LRRIQ4: variants seen among roughly 807,000 people sequenced by gnomAD.
The protein encoded by LRRIQ4 is leucine rich repeats and IQ motif containing 4.
LRRIQ4 carries 21 observed loss-of-function variants against 40.1 expected under a neutral mutation model. The observed-to-expected ratio is 0.52, with a 90% CI of 0.37 to 0.75. LRRIQ4 has a LOEUF of 0.75. Among genes scored for constraint, LRRIQ4 ranks in the 30% least tolerant of loss-of-function variants. LRRIQ4 has a pLI of 0.00. For synonymous variants in LRRIQ4, 277 were observed against 277.1 expected, an observed-to-expected ratio of 1.00 and a Z score of 0.00; for missense variants, 655 against 660.0, an observed-to-expected ratio of 0.99 and a Z score of 0.08.
In LRRIQ4 at chr3:169,817,769, C is replaced by T. The variant is rs144891680; in HGVS notation, c.-31-4122C>T. 6.9e-3 allele frequency among the ~76,000 whole-genome samples: 1,053 copies of T among 151,652 alleles called. 7 individuals carry two copies. The highest frequency in any genetic ancestry group is 0.021 in the Middle Eastern group (6 of 292). ...GCTACTCCTGCTCTTTTTTGTTTTC[C>T]ATTTGCATAGAATATCTTTTCCCAT... On this transcript the variant is annotated intron_variant, in intron 1 of 5. Coordinates refer to ENST00000340806, the MANE Select transcript of LRRIQ4 (RefSeq NM_001080460.3).
Position 169,822,487 on chromosome 3 carries a change from C to G in LRRIQ4, c.566C>G (p.Thr189Ser), listed in dbSNP as rs1185759964. The G allele has an allele frequency of 2.5e-6, 4 of 1,614,008 alleles. No homozygotes were observed. The highest frequency in any genetic ancestry group is 3.3e-5 in the Admixed American group (2 of 60,022). Reference sequence around the variant, plus strand: ...CCCCAGGAGCTCTGTGTTCTCTACACCCTGGAAATCATTGACCTGGACGAG... The same window carrying G: ...CCCCAGGAGCTCTGTGTTCTCTACAGCCTGGAAATCATTGACCTGGACGAG... ...VFPQELCVLY[T>S]LEIIDLDENK... Residue 189 changes from threonine to serine, a missense_variant, in exon 2 of 6, where the codon ACC (threonine) becomes AGC (serine). By Grantham distance (58) the Thr-to-Ser change is moderately conservative. Transcript: ENST00000340806.
chr3:169,822,350 T>A lies in LRRIQ4; in HGVS notation c.429T>A (p.His143Gln), dbSNP rs774087406. Reference protein sequence around the residue: ...IPVVIFKNLHHLELLGLTGNH... With the variant: ...IPVVIFKNLHQLELLGLTGNH... Reference sequence around the variant, plus strand: ...TCGTCATCTTTAAAAACCTCCACCATCTCGAGCTGCTCGGACTGACCGGAA... The same window carrying A: ...TCGTCATCTTTAAAAACCTCCACCAACTCGAGCTGCTCGGACTGACCGGAA... Residue 143 changes from histidine (H) to glutamine (Q), a missense_variant, in exon 2 of 6, where the codon CAT becomes CAA. Transcript: ENST00000340806. 64 of 1,613,482 alleles carry A rather than the reference T, an allele frequency of 4.0e-5. No homozygotes were observed. In the South Asian group the frequency reaches 5.3e-4, roughly 13 times the overall value.
chr3:169,835,843 T>G (rs1576773165), intron 5 of LRRIQ4, among the ~76,000 whole-genome samples: 1 of 152,294 alleles, frequency 6.6e-6, no homozygotes, highest in Non-Finnish European at 1.5e-5. Context: ...GCCTTAACAC[T>G]GGCTCTTCCT....
intron 5 of LRRIQ4, 91 bp downstream of exon 5, chr3:169,833,274 C>T (rs1780227719): frequency 9.9e-7 from 1 of 1,013,116 alleles, no homozygotes; most frequent in Admixed American, 3.0e-5. Context: ...CAACTCCTTA[C>T]ACCCTTGTCC....
chr3:169,816,305 A>G (rs970370116), intron 1 of LRRIQ4, among the ~76,000 whole-genome samples: 9 of 152,188 alleles, frequency 5.9e-5, no homozygotes, highest in African/African-American at 1.9e-4. Flanking sequence ...TTTCTTTGCT[A>G]GGAGACTTTT....
At position 169,822,257 on chromosome 3, in the gene LRRIQ4, C is replaced by T. The variant is rs779021386; in HGVS notation, c.336C>T (p.Val112=). ...ACCCCATCTTCTCCTCCTCCCTTGT[C>T]GTTGTCAGCTTCCTCCACGCCCTGC... The part of the protein sequence containing the change: ...SYNPIFSSSL[V]VVSFLHALRE... Residue 112 remains valine (V), a synonymous_variant, in exon 2 of 6, where the codon GTC becomes GTT. Coordinates refer to ENST00000340806, the MANE Select transcript of LRRIQ4 (RefSeq NM_001080460.3). The T allele has an allele frequency of 6.2e-7, 1 of 1,609,728 alleles. No individual in the cohort carries two copies. Among genetic ancestry groups the T allele is most frequent in the Non-Finnish European group, 8.5e-7 (1 of 1,178,282 alleles).
At chr3:169,832,461 CTG>C (rs1780201049) in intron 4 of LRRIQ4, among the ~76,000 whole-genome samples, 1 of 145,166 alleles carries the variant, frequency 6.9e-6, no homozygotes, top group Non-Finnish European at 1.5e-5. Context: ...GAGCTAGACT[CTG>C]TCTCAAAAAA....
chr3:169,827,373 C>T (rs954771113), intron 2 of LRRIQ4, among the ~76,000 whole-genome samples: 2 of 151,988 alleles, frequency 1.3e-5, no homozygotes, highest in Admixed American at 1.3e-4. Context: ...TTTGGGAGGC[C>T]TAGGCGGGCG....
At chr3:169,817,561 A>G (rs1045478791) in intron 1 of LRRIQ4, among the ~76,000 whole-genome samples, 4 of 152,028 alleles carry the variant, frequency 2.6e-5, no homozygotes, top group African/African-American at 9.7e-5. Context: ...ACTGGAGTCT[A>G]TTTCTTTCTT....
chr3:169,822,136 A>G lies in LRRIQ4; in HGVS notation c.215A>G (p.Asn72Ser), dbSNP rs1182235544. 1 of 1,612,870 alleles carries G rather than the reference A, an allele frequency of 6.2e-7. No individual in the cohort carries two copies. The part of the protein sequence containing the change: ...EIPQEIQRLK[N>S]IRVLYLDKNN... ...CCCCAGGAGATTCAGCGTTTAAAGA[A>G]CATCAGGGTCCTCTACCTGGATAAG... The change falls in exon 2 of 6, where the codon AAC becomes AGC. Residue 72 changes from asparagine to serine, a missense_variant. Coordinates refer to ENST00000340806, the MANE Select transcript of LRRIQ4 (RefSeq NM_001080460.3).
chr3:169,820,080 G>A (rs1237645531), intron 1 of LRRIQ4, among the ~76,000 whole-genome samples: 1 of 152,206 alleles, frequency 6.6e-6, no homozygotes, highest in East Asian at 1.9e-4. Flanking sequence ...GCAGTATTAT[G>A]TATGGGGCTA....
intron 1 of LRRIQ4, among the ~76,000 whole-genome samples, chr3:169,818,003 T>G (rs1348792463): frequency 1.3e-5 from 2 of 152,274 alleles, no homozygotes; most frequent in African/African-American, 4.8e-5. Context: ...CCAGAGCACT[T>G]TATCCCACAG....
intron 5 of LRRIQ4, among the ~76,000 whole-genome samples, chr3:169,836,741 G>A (rs913411452): frequency 6.6e-6 from 1 of 152,206 alleles, no homozygotes; most frequent in Non-Finnish European, 1.5e-5. Flanking sequence ...TGAGCCATCT[G>A]AATACTGAGA....
intron 2 of LRRIQ4, among the ~76,000 whole-genome samples, chr3:169,824,493 A>C (rs757380079): frequency 4.0e-5 from 6 of 151,862 alleles, no homozygotes; most frequent in East Asian, 1.9e-4. Context: ...TATTTATTTC[A>C]ATTTTAATTT....
intron 1 of LRRIQ4, among the ~76,000 whole-genome samples, chr3:169,815,933 A>T (rs1027613841): frequency 6.6e-6 from 1 of 152,218 alleles, no homozygotes; most frequent in Non-Finnish European, 1.5e-5. Flanking sequence ...GATAGGTTGT[A>T]TCACATTGAT....
intron 1 of LRRIQ4, among the ~76,000 whole-genome samples, chr3:169,820,212 A>G (rs761437275): frequency 6.6e-6 from 1 of 150,464 alleles, no homozygotes; most frequent in Non-Finnish European, 1.5e-5. Flanking sequence ...CCTTGCCACT[A>G]TCATGTCATG....
At chr3:169,821,839 G>A (rs1779896884) in intron 1 of LRRIQ4, 52 bp from the exon 2 acceptor site, 1 of 935,998 alleles carries the variant, frequency 1.1e-6, no homozygotes, top group African/African-American at 1.7e-5. Flanking sequence ...AGGATAGCAA[G>A]TCTGGTGGCA....
chr3:169,824,156 A>G (rs1236562125), intron 2 of LRRIQ4, among the ~76,000 whole-genome samples: 3 of 152,168 alleles, frequency 2.0e-5, no homozygotes, highest in Admixed American at 2.0e-4. Flanking sequence ...AAAATATAAA[A>G]TATTGACTGG....
chr3:169,824,585 T>A (rs1208855280), intron 2 of LRRIQ4, among the ~76,000 whole-genome samples: 2 of 152,162 alleles, frequency 1.3e-5, no homozygotes, highest in Non-Finnish European at 2.9e-5. Flanking sequence ...CTATCTTGGC[T>A]CACTGCAACC....
Sources: allele counts gnomAD v4.1 joint callset (sites outside exome capture counted in the v4.1 genomes callset), GRCh38; gene constraint gnomAD v4.1.1; transcripts MANE v1.5; gene names NCBI Gene and HGNC (gene_info 2026-07-23, HGNC 2026-07-21).